The following KREMEN1 variants were observed in gnomAD, a reference collection of about 807,000 sequenced individuals.
KREMEN1 encodes the protein kringle containing transmembrane protein 1.
KREMEN1 carries 30 observed loss-of-function variants against 46.5 expected under a neutral mutation model. The ratio of observed to expected loss-of-function variants is 0.65; its 90% confidence interval spans 0.48 to 0.88. KREMEN1 has a LOEUF of 0.88. Among genes scored for constraint, KREMEN1 ranks in the 40% least tolerant of loss-of-function variants. KREMEN1 has a pLI of 0.00. For missense variants in KREMEN1, 533 were observed against 596.9 expected (o/e 0.89, Z 1.11); for synonymous variants, 214 against 230.6 (o/e 0.93, Z 0.65).
intron 1 of KREMEN1, among the ~76,000 whole-genome samples, chr22:29,078,097 G>A (rs1197121936): frequency 1.3e-5 from 2 of 151,974 alleles, no homozygotes; most frequent in African/African-American, 4.8e-5. Context: ...GTAAAACCCT[G>A]TCTCTACAAA....
chr22:29,130,775 A>T (rs1271909249), intron 5 of KREMEN1, among the ~76,000 whole-genome samples: 1 of 152,216 alleles, frequency 6.6e-6, no homozygotes, highest in Non-Finnish European at 1.5e-5. Flanking sequence ...AGGCAGGAGG[A>T]CACCGGCCCC....
chr22:29,117,491 C>T (rs1401077642), intron 3 of KREMEN1, among the ~76,000 whole-genome samples: 3 of 151,634 alleles, frequency 2.0e-5, no homozygotes, highest in Non-Finnish European at 4.4e-5. Flanking sequence ...GGCGTGAACC[C>T]GGGAGGCGGA....
At chr22:29,140,208 G>C in intron 7 of KREMEN1, 74 bp from the exon 8 acceptor site, 5 of 1,134,192 alleles carry the variant, frequency 4.4e-6, no homozygotes, top group Non-Finnish European at 5.4e-6. Context: ...TTACTCACTT[G>C]GGTATTCCAG....
chr22:29,158,193 T>C (rs1254177771), intron 9 of KREMEN1, among the ~76,000 whole-genome samples: 2 of 151,996 alleles, frequency 1.3e-5, no homozygotes, highest in Non-Finnish European at 2.9e-5. Context: ...AAACACGGGG[T>C]ACCAATTTGC....
At chr22:29,138,554 G>GCT in intron 6 of KREMEN1, 70 bp from the exon 7 acceptor site, 1 of 1,442,940 alleles carries the variant, frequency 6.9e-7, no homozygotes, top group Non-Finnish European at 9.7e-7. Flanking sequence ...CATAACTCGT[G>GCT]CTCTCCTCCC....
intron 3 of KREMEN1, among the ~76,000 whole-genome samples, chr22:29,105,371 T>C (rs2038039129): frequency 6.8e-6 from 1 of 146,768 alleles, no homozygotes; most frequent in Admixed American, 7.0e-5. Flanking sequence ...AGCAAGGTTC[T>C]AGATGTTAGG....
intron 1 of KREMEN1, among the ~76,000 whole-genome samples, chr22:29,084,538 C>A (rs917151938): frequency 1.3e-5 from 2 of 152,144 alleles, no homozygotes; most frequent in African/African-American, 4.8e-5. Context: ...TTCCAGGGGG[C>A]CCTGCCTGGG....
chr22:29,077,908 T>A (rs134603), intron 1 of KREMEN1, among the ~76,000 whole-genome samples: 97,449 of 151,770 alleles, frequency 0.64, 31,504 homozygotes, highest in Middle Eastern at 0.78. Context: ...AATTTTTTTT[T>A]AAAAAGATAC....
In KREMEN1 at chr22:29,121,281, G is replaced by C. The variant is rs937540241; in HGVS notation, c.353-76G>C. ...AATACTGGCTGAGATGAAAGTACCT[G>C]GCACAAATCGCTTTTCCTTCTTGGT... On this transcript the variant is annotated intron_variant, in intron 3 of 8. Coordinates refer to ENST00000400335, the MANE Select transcript of KREMEN1 (RefSeq NM_001039570.3). The C allele has an allele frequency of 1.3e-5, 20 of 1,561,980 alleles. No individual in the cohort carries two copies. In the African/African-American group the frequency reaches 2.6e-4, roughly 20 times the overall value.
intron 3 of KREMEN1, among the ~76,000 whole-genome samples, chr22:29,111,381 G>A (rs1474559218): frequency 6.6e-6 from 1 of 151,780 alleles, no homozygotes; most frequent in Admixed American, 6.6e-5. Context: ...GGGAGGCCGA[G>A]GCGGGCGGAT....
chr22:29,165,964 G>A (rs1412382838), intron 9 of KREMEN1, among the ~76,000 whole-genome samples: 2 of 152,190 alleles, frequency 1.3e-5, no homozygotes, highest in East Asian at 3.8e-4. Flanking sequence ...CAAGATGAGG[G>A]CTGCCATTCA....
At chr22:29,117,529 T>C (rs1280005630) in intron 3 of KREMEN1, among the ~76,000 whole-genome samples, 21 of 150,890 alleles carry the variant, frequency 1.4e-4, no homozygotes. Context: ...ATGGCACCAC[T>C]GCACTCCAGC....
At chr22:29,166,325 T>C (rs1475205099) in intron 9 of KREMEN1, among the ~76,000 whole-genome samples, 2 of 151,850 alleles carry the variant, frequency 1.3e-5, no homozygotes. Flanking sequence ...AGAGACATGG[T>C]GTCTGCTCGT....
At chr22:29,100,184 C>T (rs775101309) in intron 3 of KREMEN1, among the ~76,000 whole-genome samples, 5 of 151,376 alleles carry the variant, frequency 3.3e-5, no homozygotes, top group African/African-American at 7.3e-5. Context: ...GGCGCCATCT[C>T]GGCTCACTGC....
At chr22:29,094,944 A>G (rs534302518) in intron 2 of KREMEN1, among the ~76,000 whole-genome samples, 41 of 152,028 alleles carry the variant, frequency 2.7e-4, no homozygotes, top group Non-Finnish European at 5.0e-4. Flanking sequence ...TCTTTTCAAC[A>G]TGGGTTGTTT....
At position 29,144,346 on chromosome 22, in the gene KREMEN1, C is replaced by A; in HGVS notation, c.*2234C>A. 2 of 985,772 alleles carry A rather than the reference C, an allele frequency of 2.0e-6. No individual in the cohort carries two copies. The highest frequency in any genetic ancestry group is 9.4e-5 in the South Asian group (2 of 21,300). 61.1% of individuals were successfully genotyped at this position (985,772 alleles called of 1,614,324 possible). A position where few individuals can be genotyped will look rare whatever the true frequency, so the allele number is the denominator to read the frequency against. The stretch of plus-strand genomic sequence containing the variant: ...CTGAGTTCAGGAGAGGTGCTTGGAG[C>A]TTCAGGCAGAGGGGCCTTCAGAGGA... On this transcript the variant is annotated 3_prime_UTR_variant, in exon 9 of 9. Coordinates refer to ENST00000400335, the MANE Select transcript of KREMEN1 (RefSeq NM_001039570.3).
At chr22:29,122,271 A>G (rs2038368843) in intron 4 of KREMEN1, among the ~76,000 whole-genome samples, 1 of 152,250 alleles carries the variant, frequency 6.6e-6, no homozygotes, top group Non-Finnish European at 1.5e-5. Flanking sequence ...ATACCACTGC[A>G]CACCACTTCA....
At chr22:29,123,408 G>A (rs889961039) in intron 4 of KREMEN1, among the ~76,000 whole-genome samples, 1 of 149,994 alleles carries the variant, frequency 6.7e-6, no homozygotes, top group African/African-American at 2.4e-5. Context: ...ATTTAAAAAT[G>A]GGCAAAAGAC....
At chr22:29,093,893 A>G (rs952854110) in intron 1 of KREMEN1, among the ~76,000 whole-genome samples, 1 of 152,202 alleles carries the variant, frequency 6.6e-6, no homozygotes, top group Non-Finnish European at 1.5e-5. Flanking sequence ...ACCCCCTCAG[A>G]GTATCCAGAA....
Sources: gnomAD v4.1 joint callset for allele counts (sites outside exome capture counted in the v4.1 genomes callset) on GRCh38, gnomAD v4.1.1 for gene constraint, MANE v1.5 for transcripts, NCBI Gene and HGNC (gene_info 2026-07-23, HGNC 2026-07-21) for gene names.